The following NALCN variants were observed in gnomAD, a reference collection of about 807,000 sequenced individuals.
NALCN encodes the protein sodium leak channel NALCN.
Under a neutral mutation model 225.3 loss-of-function variants are expected in NALCN, and 111 were observed. The observed-to-expected ratio is 0.49, with a 90% CI of 0.42 to 0.58. NALCN has a LOEUF of 0.58. Among genes scored for constraint, NALCN ranks in the 20% least tolerant of loss-of-function variants. The pLI is 0.00. For synonymous variants in NALCN, 764 were observed against 769.0 expected (o/e 0.99, Z 0.11); for missense variants, 1,378 against 2,202.4 (o/e 0.63, Z 7.49).
At chr13:101,370,291 T>G (rs2046502347) in intron 6 of NALCN, among the ~76,000 whole-genome samples, 1 of 152,080 alleles carries the variant, frequency 6.6e-6, no homozygotes, top group African/African-American at 2.4e-5. Context: ...TACAAACAAA[T>G]AGATAGCATT....
chr13:101,254,387 A>AG, intron 11 of NALCN, among the ~76,000 whole-genome samples: 1 of 150,616 alleles, frequency 6.6e-6, no homozygotes, highest in Non-Finnish European at 1.5e-5. Context: ...AAAAAAAAAA[A>AG]AAAAAGGAGA....
intron 6 of NALCN, among the ~76,000 whole-genome samples, chr13:101,345,705 T>C (rs1004954144): frequency 1.5e-5 from 2 of 137,324 alleles, no homozygotes; most frequent in African/African-American, 5.5e-5. Context: ...TATCTATCTA[T>C]CTATCTATCT....
intron 35 of NALCN, among the ~76,000 whole-genome samples, chr13:101,075,560 G>T (rs1021703402): frequency 1.3e-5 from 2 of 151,222 alleles, no homozygotes; most frequent in Admixed American, 1.3e-4. Context: ...AAATAAAAAT[G>T]CATTAAGAAA....
intron 17 of NALCN, among the ~76,000 whole-genome samples, chr13:101,136,606 C>A (rs1432127030): frequency 6.6e-6 from 1 of 152,178 alleles, no homozygotes; most frequent in Non-Finnish European, 1.5e-5. Context: ...TTTCCAGCTT[C>A]ATCCACGTCC....
intron 13 of NALCN, among the ~76,000 whole-genome samples, chr13:101,197,232 T>G (rs2039928960): frequency 6.6e-6 from 1 of 152,200 alleles, no homozygotes; most frequent in Admixed American, 6.5e-5. Flanking sequence ...TCTTAACTTC[T>G]TCCAGAAGAC....
At chr13:101,371,990 TAAATA>T (rs2046552974) in intron 6 of NALCN, among the ~76,000 whole-genome samples, 1 of 152,180 alleles carries the variant, frequency 6.6e-6, no homozygotes, top group African/African-American at 2.4e-5. Context: ...AAAAGATGAT[TAAATA>T]AAATAAATTA....
intron 34 of NALCN, among the ~76,000 whole-genome samples, chr13:101,078,289 C>A (rs2033392966): frequency 6.6e-6 from 1 of 152,142 alleles, no homozygotes; most frequent in South Asian, 2.1e-4. Flanking sequence ...AGAAGAGGGC[C>A]ACCATCCTCC....
At chr13:101,174,590 G>A (rs1445698609) in intron 15 of NALCN, among the ~76,000 whole-genome samples, 3 of 152,044 alleles carry the variant, frequency 2.0e-5, no homozygotes, top group African/African-American at 7.2e-5. Flanking sequence ...GCATATACGT[G>A]TATATATAAA....
intron 9 of NALCN, among the ~76,000 whole-genome samples, chr13:101,290,434 T>C (rs1057194328): frequency 1.3e-5 from 2 of 152,240 alleles, no homozygotes; most frequent in East Asian, 3.8e-4. Flanking sequence ...GACCGGGAAC[T>C]TTCTTATCTC....
At chr13:101,234,211 G>C (rs1411115142) in intron 12 of NALCN, among the ~76,000 whole-genome samples, 1 of 152,174 alleles carries the variant, frequency 6.6e-6, no homozygotes, top group African/African-American at 2.4e-5. Flanking sequence ...TTTGTGAACT[G>C]TTTGCCTTTA....
At chr13:101,068,381 T>C (rs1005801953) in intron 38 of NALCN, among the ~76,000 whole-genome samples, 7 of 152,336 alleles carry the variant, frequency 4.6e-5, no homozygotes, top group Admixed American at 4.6e-4. Flanking sequence ...AAGGTGTACC[T>C]TTCAAAAACA....
intron 12 of NALCN, among the ~76,000 whole-genome samples, chr13:101,230,405 A>T (rs2041298073): frequency 6.6e-6 from 1 of 152,186 alleles, no homozygotes; most frequent in African/African-American, 2.4e-5. Flanking sequence ...CCTTTAAAAA[A>T]CAGAACTTTC....
At chr13:101,201,617 T>A (rs1391419945) in intron 13 of NALCN, among the ~76,000 whole-genome samples, 1 of 152,180 alleles carries the variant, frequency 6.6e-6, no homozygotes. Context: ...ATATACAAGT[T>A]TTTGTGTAAA....
At chr13:101,393,392 C>A (rs1490836204) in intron 3 of NALCN, among the ~76,000 whole-genome samples, 1 of 152,166 alleles carries the variant, frequency 6.6e-6, no homozygotes, top group Admixed American at 6.5e-5. Flanking sequence ...AAGGAGTACA[C>A]AGAAACTATT....
chr13:101,061,696 T>C (rs1204974055), intron 41 of NALCN, among the ~76,000 whole-genome samples: 1 of 152,200 alleles, frequency 6.6e-6, no homozygotes, highest in African/African-American at 2.4e-5. Flanking sequence ...TAAACTGCTT[T>C]TTAAGTCTTC....
intron 34 of NALCN, among the ~76,000 whole-genome samples, chr13:101,080,684 A>G (rs1423453623): frequency 6.8e-6 from 1 of 146,992 alleles, no homozygotes; most frequent in Non-Finnish European, 1.5e-5. Context: ...AAAAATATAT[A>G]CATACACATA....
At chr13:101,405,843 G>GCA (rs2047604677) in intron 1 of NALCN, among the ~76,000 whole-genome samples, 1 of 152,054 alleles carries the variant, frequency 6.6e-6, no homozygotes, top group Non-Finnish European at 1.5e-5. Context: ...ACACACACTT[G>GCA]CACACACACA....
intron 17 of NALCN, among the ~76,000 whole-genome samples, chr13:101,137,999 C>T (rs532593749): frequency 2.0e-5 from 3 of 152,200 alleles, no homozygotes; most frequent in African/African-American, 4.8e-5. Flanking sequence ...TCTCAAACAT[C>T]GAGCACCTGA....
intron 3 of NALCN, among the ~76,000 whole-genome samples, chr13:101,388,425 A>G (rs1215040353): frequency 1.4e-5 from 2 of 145,060 alleles, no homozygotes; most frequent in African/African-American, 5.1e-5. Flanking sequence ...ATTGAAAATA[A>G]AAAAAAAAAT....
Sources: allele counts gnomAD v4.1 joint callset (sites outside exome capture counted in the v4.1 genomes callset), GRCh38; gene constraint gnomAD v4.1.1; transcripts MANE v1.5; gene names NCBI Gene and HGNC (gene_info 2026-07-23, HGNC 2026-07-21).